LRMDA: variants seen among roughly 807,000 people sequenced by gnomAD.
LRMDA encodes leucine rich melanocyte differentiation associated.
LRMDA carries 18 observed loss-of-function variants against 29.8 expected under a neutral mutation model. The ratio of observed to expected loss-of-function variants is 0.60; its 90% confidence interval spans 0.42 to 0.90. LRMDA has a LOEUF of 0.90. LRMDA is among the 40% of genes least tolerant of loss of function. The pLI, the probability that LRMDA is intolerant of heterozygous loss-of-function variation, is 0.00. For synonymous variants in LRMDA, 125 were observed against 109.4 expected, an observed-to-expected ratio of 1.14 and a Z score of -0.89; for missense variants, 273 against 273.9, an observed-to-expected ratio of 1.00 and a Z score of 0.02.
At chr10:75,689,051 G>C (rs1480123739) in intron 2 of LRMDA, among the ~76,000 whole-genome samples, 1 of 151,974 alleles carries the variant, frequency 6.6e-6, no homozygotes. Flanking sequence ...ACCCAATTTG[G>C]ATTGTTTGCT....
At chr10:75,986,720 C>T (rs1411896649) in intron 2 of LRMDA, among the ~76,000 whole-genome samples, 2 of 152,234 alleles carry the variant, frequency 1.3e-5, no homozygotes, top group South Asian at 2.1e-4. Context: ...TGAGTGTTTC[C>T]CCAGGCCTAG....
At chr10:76,534,494 A>C (rs1843270622) in intron 6 of LRMDA, among the ~76,000 whole-genome samples, 1 of 152,348 alleles carries the variant, frequency 6.6e-6, no homozygotes, top group East Asian at 1.9e-4. Flanking sequence ...AGAGCCACAA[A>C]AATTACACCT....
intron 6 of LRMDA, among the ~76,000 whole-genome samples, chr10:76,379,675 A>G (rs929839174): frequency 6.6e-6 from 1 of 151,976 alleles, no homozygotes; most frequent in Non-Finnish European, 1.5e-5. Flanking sequence ...TTTTTGTTTT[A>G]TCGATACTTT....
At chr10:75,644,512 C>T (rs1264769124) in intron 2 of LRMDA, among the ~76,000 whole-genome samples, 1 of 152,200 alleles carries the variant, frequency 6.6e-6, no homozygotes, top group Non-Finnish European at 1.5e-5. Context: ...ACAATGGGGT[C>T]TTTGCCAGCA....
intron 2 of LRMDA, among the ~76,000 whole-genome samples, chr10:75,651,812 T>C (rs1018170187): frequency 3.3e-5 from 5 of 152,116 alleles, no homozygotes; most frequent in African/African-American, 9.7e-5. Context: ...TTTTACATTG[T>C]ATAGGGTTTT....
intron 6 of LRMDA, among the ~76,000 whole-genome samples, chr10:76,422,221 T>A (rs1258479256): frequency 1.3e-5 from 2 of 152,116 alleles, no homozygotes; most frequent in Non-Finnish European, 2.9e-5. Context: ...AATTGAAAAT[T>A]GCTTCATGAG....
chr10:76,163,128 C>T (rs879817107), intron 5 of LRMDA, among the ~76,000 whole-genome samples: 17 of 152,172 alleles, frequency 1.1e-4, no homozygotes, highest in Non-Finnish European at 1.3e-4. Flanking sequence ...GCTCAGTCAG[C>T]GTCTCCTTGT....
chr10:76,020,616 G>C (rs1847958752), intron 2 of LRMDA, among the ~76,000 whole-genome samples: 1 of 152,166 alleles, frequency 6.6e-6, no homozygotes, highest in South Asian at 2.1e-4. Context: ...TGTCCAAGCT[G>C]CCTGCTCAGG....
chr10:75,561,802 C>T (rs1206860440), intron 2 of LRMDA, among the ~76,000 whole-genome samples: 1 of 151,992 alleles, frequency 6.6e-6, no homozygotes, highest in Non-Finnish European at 1.5e-5. Flanking sequence ...AGTAGTCATT[C>T]AGGAGCAGGT....
intron 2 of LRMDA, among the ~76,000 whole-genome samples, chr10:75,946,270 G>A (rs940726886): frequency 2.6e-5 from 4 of 152,154 alleles, no homozygotes; most frequent in African/African-American, 9.7e-5. Flanking sequence ...TATGTTTAAG[G>A]TTACCAATTC....
chr10:76,200,965 C>A (rs188937770), intron 5 of LRMDA, among the ~76,000 whole-genome samples: 3,310 of 151,608 alleles, frequency 0.022, 58 homozygotes, highest in Non-Finnish European at 0.034. Context: ...GATCTGCCTG[C>A]CTTGGCCTCC....
chr10:75,665,995 T>C lies in LRMDA; in HGVS notation c.131+227501T>C, dbSNP rs187616463. On this transcript the variant is annotated intron_variant, in intron 2 of 6. Transcript: ENST00000611255. The stretch of plus-strand genomic sequence containing the variant: ...AATTCTTCTTTGAACTGATACAATG[T>C]CTTACTCTCTCATTAATTAAAAGAT... Among the ~76,000 whole-genome samples the C allele has an allele frequency of 2.6e-5, 4 of 152,348 alleles. No individual in the cohort carries two copies. The East Asian group carries it at 7.7e-4, about 29-fold the overall frequency.
At chr10:75,542,522 G>A (rs1840030519) in intron 2 of LRMDA, among the ~76,000 whole-genome samples, 1 of 152,028 alleles carries the variant, frequency 6.6e-6, no homozygotes, top group Non-Finnish European at 1.5e-5. Context: ...ACTCTGAAAA[G>A]CAAGAAAATA....
chr10:75,557,185 G>A (rs1465545602), intron 2 of LRMDA, among the ~76,000 whole-genome samples: 1 of 151,812 alleles, frequency 6.6e-6, no homozygotes, highest in Non-Finnish European at 1.5e-5. Flanking sequence ...GTGGTGGCGG[G>A]TGTCTGTAAT....
intron 5 of LRMDA, among the ~76,000 whole-genome samples, chr10:76,268,077 C>CTG (rs1336413199): frequency 6.6e-6 from 1 of 152,082 alleles, no homozygotes; most frequent in Non-Finnish European, 1.5e-5. Context: ...GAGGGGTGGG[C>CTG]TGTGTGTCAG....
intron 5 of LRMDA, among the ~76,000 whole-genome samples, chr10:76,265,783 ATTAG>A (rs1422532439): frequency 6.6e-6 from 1 of 152,224 alleles, no homozygotes; most frequent in African/African-American, 2.4e-5. Context: ...AAATGACCTT[ATTAG>A]TTCATGTCTA....
At chr10:75,792,440 T>C (rs996012702) in intron 2 of LRMDA, among the ~76,000 whole-genome samples, 52 of 152,268 alleles carry the variant, frequency 3.4e-4, no homozygotes, top group African/African-American at 1.2e-3. Context: ...AATTTTTGTA[T>C]TTTTAGTAGA....
intron 2 of LRMDA, among the ~76,000 whole-genome samples, chr10:75,839,963 C>T (rs1394274773): frequency 6.6e-6 from 1 of 152,180 alleles, no homozygotes; most frequent in Non-Finnish European, 1.5e-5. Flanking sequence ...CTGCCTTGGC[C>T]TCCCAAAGTG....
intron 6 of LRMDA, among the ~76,000 whole-genome samples, chr10:76,531,276 C>A (rs911332605): frequency 2.6e-5 from 4 of 152,080 alleles, no homozygotes; most frequent in Admixed American, 2.6e-4. Context: ...GCCACACAGT[C>A]CCTATGGTAC....
Sources: gnomAD v4.1 joint callset for allele counts (sites outside exome capture counted in the v4.1 genomes callset) on GRCh38, gnomAD v4.1.1 for gene constraint, MANE v1.5 for transcripts, NCBI Gene and HGNC (gene_info 2026-07-23, HGNC 2026-07-21) for gene names.